DNMT3A: variants seen among roughly 807,000 people sequenced by gnomAD.
DNMT3A encodes DNA methyltransferase 3 alpha, also known as DNA (cytosine-5)-methyltransferase 3A.
Under a neutral mutation model 117.6 loss-of-function variants are expected in DNMT3A, and 267 were observed. That is an observed-to-expected ratio of 2.27 (90% CI 2.05 to 2.51). The LOEUF (loss-of-function observed/expected upper bound fraction) is 2.51, where lower values mean the gene tolerates loss of function less well. Among genes scored for constraint, DNMT3A ranks in the 30% most tolerant of loss-of-function variants. DNMT3A has a pLI of 0.00. For synonymous variants in DNMT3A, 432 were observed against 474.8 expected, an observed-to-expected ratio of 0.91 and a Z score of 1.17; for missense variants, 1,029 against 1,260.2, an observed-to-expected ratio of 0.82 and a Z score of 2.78.
chr2:25,268,343 T>G (rs1301235968), intron 6 of DNMT3A, among the ~76,000 whole-genome samples: 3 of 151,924 alleles, frequency 2.0e-5, no homozygotes, highest in African/African-American at 7.3e-5. Context: ...AATGAGCGAG[T>G]CATGCCATCA....
At chr2:25,314,723 G>A (rs984457626) in intron 1 of DNMT3A, 30 of 985,270 alleles carry the variant, frequency 3.0e-5, no homozygotes, top group Non-Finnish European at 3.4e-5. Flanking sequence ...GGTTGGCTCT[G>A]GCCTAGGAGG....
chr2:25,300,715 ATATATATATATATATATAT>A (rs2033424738), intron 2 of DNMT3A, among the ~76,000 whole-genome samples: 3 of 4,548 alleles, frequency 6.6e-4, no homozygotes, highest in African/African-American at 1.8e-3. Flanking sequence ...ATAATATAAT[ATATATATATATATATATAT>A]ATATATATAT....
In DNMT3A at chr2:25,304,376, TC is replaced by T. The variant is rs2033675619; in HGVS notation, c.73-4134del. On this transcript the variant is annotated intron_variant, in intron 2 of 22. Coordinates refer to ENST00000321117, the MANE Select transcript of DNMT3A (RefSeq NM_022552.5). The surrounding 1 kb of genome is among the most constrained non-coding windows in gnomAD (Gnocchi z 4.3). ...GCAAAAGCTGACACGTGATAGTCACTCGAGAACTGCTACCTTCCCCCGCTCC... is the reference window on the plus strand; with the variant it reads ...GCAAAAGCTGACACGTGATAGTCACTGAGAACTGCTACCTTCCCCCGCTCC... Among the ~76,000 whole-genome samples, 1 of 152,224 alleles carries T rather than the reference TC, an allele frequency of 6.6e-6. No individual in the cohort carries two copies. Among genetic ancestry groups the T allele is most frequent in the Non-Finnish European group, 1.5e-5 (1 of 68,044 alleles).
Position 25,337,779 on chromosome 2 carries a change from G to C in DNMT3A, c.-178+4047C>G, listed in dbSNP as rs1377671522. 2.0e-5 allele frequency among the ~76,000 whole-genome samples: 3 copies of C among 152,156 alleles called. No homozygotes were observed. The highest frequency in any genetic ancestry group is 6.5e-5 in the Admixed American group (1 of 15,272). On this transcript the variant is annotated intron_variant, in intron 1 of 22. Coordinates refer to ENST00000321117, the MANE Select transcript of DNMT3A (RefSeq NM_022552.5). This position sits in a 1 kb window ranked among gnomAD's most constrained non-coding sequence, Gnocchi z 5.0. ...TCTCAGATTTGGTCATGTTCTTAGG[G>C]AAAAATCGTCAGAGAGAAATGATTG...
rs200284494 is a variant in DNMT3A, at chr2:25,260,472, G to GT, written c.640-12221dup. ...ATATAAGCAAGCTCACTCAATTTTT[G>GT]TTTTTTTTTGCCCCACAAAGCTGCC... On this transcript the variant is annotated intron_variant, in intron 6 of 22. Coordinates refer to ENST00000321117, the MANE Select transcript of DNMT3A (RefSeq NM_022552.5). 3.5e-3 allele frequency among the ~76,000 whole-genome samples: 529 copies of GT among 150,040 alleles called. 2 individuals carry two copies. The highest frequency in any genetic ancestry group is 0.011 in the African/African-American group (449 of 40,820).
At position 25,246,249 on chromosome 2, in the gene DNMT3A, G is replaced by T; in HGVS notation, c.1340C>A (p.Ala447Asp). The change falls in exon 11 of 23, where the codon GCC becomes GAC. Residue 447 changes from alanine to aspartate, a missense_variant. Ala to Asp is a moderately radical substitution (Grantham distance 126, BLOSUM62 -2). Transcript: ENST00000321117. ...TTTGGCTGGTGGAGGTGGTGCGTAG[G>T]CAGCTGCCTCAGGTTCCACCCACAT... Reference protein sequence around the residue: ...TDMWVEPEAAAYAPPPPAKKP... With the variant: ...TDMWVEPEAADYAPPPPAKKP... 1 of 1,614,186 alleles carries T rather than the reference G, an allele frequency of 6.2e-7. No homozygotes were observed. Among genetic ancestry groups the T allele is most frequent in the East Asian group, 2.2e-5 (1 of 44,888 alleles).
rs553233212 is a variant in DNMT3A, at chr2:25,296,907, G to A, written c.177+3232C>T. Among the ~76,000 whole-genome samples, 35 of 152,236 alleles carry A rather than the reference G, an allele frequency of 2.3e-4. No homozygotes were observed. The highest frequency in any genetic ancestry group is 1.8e-3 in the Admixed American group (28 of 15,288). ...GTGGAAGCTCACAGCCTCCAGCCAG[G>A]GTTTCATCTCTTACTTCCCAGTCCC... On this transcript the variant is annotated intron_variant, in intron 3 of 22. Coordinates refer to ENST00000321117, the MANE Select transcript of DNMT3A (RefSeq NM_022552.5). This position sits in a 1 kb window ranked among gnomAD's most constrained non-coding sequence, Gnocchi z 4.2.
chr2:25,232,081 C>G lies in DNMT3A; in HGVS notation c.*2198G>C, dbSNP rs941624581. Reference sequence around the variant, plus strand: ...GAGGCTCAGCACACTAAGCCTGCTTCCCCCACTCCCCACCCCATAATATTT... The same window carrying G: ...GAGGCTCAGCACACTAAGCCTGCTTGCCCCACTCCCCACCCCATAATATTT... On this transcript the variant is annotated 3_prime_UTR_variant, in exon 23 of 23. Coordinates refer to ENST00000321117, the MANE Select transcript of DNMT3A (RefSeq NM_022552.5). The surrounding 1 kb of genome is among the most constrained non-coding windows in gnomAD (Gnocchi z 4.1). The G allele has an allele frequency of 6.6e-6, 1 of 152,092 alleles. No individual in the cohort carries two copies. Among genetic ancestry groups the G allele is most frequent in the African/African-American group, 2.4e-5 (1 of 41,382 alleles). The allele number at this position is 152,092 out of a possible 1,614,324, so 9.4% of individuals were successfully genotyped here.
intron 1 of DNMT3A, among the ~76,000 whole-genome samples, chr2:25,341,509 TAGACTTGAACTTG>T (rs2035450438): frequency 1.4e-5 from 2 of 143,728 alleles, no homozygotes. Context: ...CGGCATTGTA[TAGACTTGAACTTG>T]AGCCCGGAGC....
Position 25,300,309 on chromosome 2 carries a change from T to C in DNMT3A, c.73-66A>G. 5.2e-6 allele frequency: 8 copies of C among 1,532,748 alleles called. No individual in the cohort carries two copies. The East Asian group carries it at 1.9e-4, about 36-fold the overall frequency. The allele number at this position is 1,532,748 out of a possible 1,614,324, so 94.9% of individuals were successfully genotyped here. ...CCAGCAGTGTAGCATTCCAGGCCTG[T>C]CTGGGGCTGGCCCTGGCTTCCCTTC... On this transcript the variant is annotated intron_variant, in intron 2 of 22. Transcript: ENST00000321117.
Position 25,304,210 on chromosome 2 carries a change from C to T in DNMT3A, c.73-3967G>A, listed in dbSNP as rs1474804132. Among the ~76,000 whole-genome samples, 1 of 152,164 alleles carries T rather than the reference C, an allele frequency of 6.6e-6. No individual in the cohort carries two copies. The highest frequency in any genetic ancestry group is 6.5e-5 in the Admixed American group (1 of 15,276). On this transcript the variant is annotated intron_variant, in intron 2 of 22. Coordinates refer to ENST00000321117, the MANE Select transcript of DNMT3A (RefSeq NM_022552.5). The surrounding 1 kb of genome is among the most constrained non-coding windows in gnomAD (Gnocchi z 4.3). ...CACGTAGGCTTTGGAGAGGGCAGAG[C>T]CGGGCTGGGAGTTTCGCTCTGCTCT... is the stretch of plus-strand genomic sequence containing the variant.
At chr2:25,275,399 A>G (rs2031315935) in intron 5 of DNMT3A, 101 bp downstream of exon 5, 4 of 1,459,078 alleles carry the variant, frequency 2.7e-6, no homozygotes, top group Non-Finnish European at 2.8e-6. Context: ...ATGTGTAAAG[A>G]AGGAGGAGGG....
chr2:25,252,186 G>C lies in DNMT3A; in HGVS notation c.640-3934C>G. On this transcript the variant is annotated intron_variant, in intron 6 of 22. Transcript: ENST00000321117. This position sits in a 1 kb window ranked among gnomAD's most constrained non-coding sequence, Gnocchi z 5.5. Reference sequence around the variant, plus strand: ...CCGGTCTCCCCGGGGCTCCGTCCAGGAACCTACCCATAAGGCCAGGTGCAG... The same window carrying C: ...CCGGTCTCCCCGGGGCTCCGTCCAGCAACCTACCCATAAGGCCAGGTGCAG... 2 of 1,566,324 alleles carry C rather than the reference G, an allele frequency of 1.3e-6. No homozygotes were observed. Among genetic ancestry groups the C allele is most frequent in the Non-Finnish European group, 8.6e-7 (1 of 1,157,580 alleles).
chr2:25,264,132 GTTTTTTTTTT>G (rs1175186554), intron 6 of DNMT3A, among the ~76,000 whole-genome samples: 6 of 73,740 alleles, frequency 8.1e-5, no homozygotes, highest in South Asian at 6.6e-4. Context: ...CAACCCTTTG[GTTTTTTTTTT>G]TTTTTTTTTT....
intron 1 of DNMT3A, among the ~76,000 whole-genome samples, chr2:25,319,392 C>T (rs967317868): frequency 4.6e-5 from 7 of 152,134 alleles, no homozygotes; most frequent in Non-Finnish European, 7.4e-5. Context: ...TCAAGTGATC[C>T]TCCCACCTCA....
intron 3 of DNMT3A, among the ~76,000 whole-genome samples, chr2:25,299,709 T>C (rs1047770755): frequency 6.6e-6 from 1 of 152,138 alleles, no homozygotes; most frequent in Non-Finnish European, 1.5e-5. Context: ...AGTGGGCGGA[T>C]CACTTGAGGT....
At chr2:25,302,260 G>C (rs1323836329) in intron 2 of DNMT3A, among the ~76,000 whole-genome samples, 1 of 152,102 alleles carries the variant, frequency 6.6e-6, no homozygotes, top group African/African-American at 2.4e-5. Context: ...GAAGGGGAGG[G>C]CTGCCAACAC....
At chr2:25,275,448 G>T in intron 5 of DNMT3A, 52 bp downstream of exon 5, 1 of 1,572,744 alleles carries the variant, frequency 6.4e-7, no homozygotes. Flanking sequence ...CGCCACCCGT[G>T]TCCTTCTTCT....
chr2:25,257,664 T>C lies in DNMT3A; in HGVS notation c.640-9412A>G, dbSNP rs935486699. 6.6e-6 allele frequency among the ~76,000 whole-genome samples: 1 copy of C among 152,156 alleles called. No individual in the cohort carries two copies. Among genetic ancestry groups the C allele is most frequent in the Non-Finnish European group, 1.5e-5 (1 of 68,018 alleles). On this transcript the variant is annotated intron_variant, in intron 6 of 22. Coordinates refer to ENST00000321117, the MANE Select transcript of DNMT3A (RefSeq NM_022552.5). This position sits in a 1 kb window ranked among gnomAD's most constrained non-coding sequence, Gnocchi z 4.8. ...TTTCTTTTCACGAGGGCCTTGCTAA[T>C]CACCTCGCCAGGAGAACCCCAGATT...
Sources: allele counts gnomAD v4.1 joint callset (sites outside exome capture counted in the v4.1 genomes callset), GRCh38; gene constraint gnomAD v4.1.1; non-coding constraint Gnocchi (gnomAD v3.1); transcripts MANE v1.5; gene names NCBI Gene and HGNC (gene_info 2026-07-23, HGNC 2026-07-21).